The following PPP6R2 variants were observed in gnomAD, a reference collection of about 807,000 sequenced individuals.
The protein encoded by PPP6R2 is protein phosphatase 6 regulatory subunit 2.
A neutral mutation model predicts 100.2 loss-of-function variants in PPP6R2; 62 were observed. The observed-to-expected ratio is 0.62, with a 90% CI of 0.50 to 0.76. The LOEUF is 0.76. Among genes scored for constraint, PPP6R2 ranks in the 30% least tolerant of loss-of-function variants. The probability of loss-of-function intolerance (pLI) is 0.00; values close to 1 mark genes in which losing one functional copy is unlikely to be tolerated. For synonymous variants in PPP6R2, 525 were observed against 514.7 expected (o/e 1.02, Z -0.27); for missense variants, 1,142 against 1,276.3 (o/e 0.89, Z 1.60).
chr22:50,340,029 GGT>G (rs1368416641), upstream of PPP6R2, among the ~76,000 whole-genome samples: 10 of 131,682 alleles, frequency 7.6e-5, no homozygotes, highest in South Asian at 2.6e-4. Flanking sequence ...GTGTGTGTAG[GGT>G]GTGTGGTGTG....
intron 1 of PPP6R2, among the ~76,000 whole-genome samples, chr22:50,356,858 C>T (rs1391485979): frequency 2.0e-5 from 3 of 151,460 alleles, no homozygotes; most frequent in Non-Finnish European, 4.4e-5. Flanking sequence ...TGCTTGAACC[C>T]GGGAGGCAGA....
At chr22:50,333,564 C>T in the PPP6R2 span, among the ~76,000 whole-genome samples, 1 of 152,258 alleles carries the variant, frequency 6.6e-6, no homozygotes, top group Admixed American at 6.5e-5. Flanking sequence ...GATCTCCTGA[C>T]CTCGTGATCC....
rs558603658 is a variant in PPP6R2 at position 50,416,392 on chromosome 22, A to C, written c.618+235A>C. On this transcript the variant is annotated intron_variant, in intron 6 of 23. Coordinates refer to ENST00000612753, the MANE Select transcript of PPP6R2 (RefSeq NM_001242898.2). ...TGCCTGGGCTGGAGTGCAGTGGTGCAATCTCGGCTCACCACAACCTCCGCC... is the reference window on the plus strand; with the variant it reads ...TGCCTGGGCTGGAGTGCAGTGGTGCCATCTCGGCTCACCACAACCTCCGCC... Among the ~76,000 whole-genome samples, 8 of 150,730 alleles carry C rather than the reference A, an allele frequency of 5.3e-5. No individual in the cohort carries two copies. The South Asian group carries it at 1.7e-3, about 32-fold the overall frequency.
chr22:50,408,671 A>G (rs2147229125), intron 4 of PPP6R2, among the ~76,000 whole-genome samples: 1 of 152,304 alleles, frequency 6.6e-6, no homozygotes, highest in South Asian at 2.1e-4. Context: ...GACTAGATGC[A>G]TGTATCTCAT....
chr22:50,398,118 C>G (rs1041604702), intron 3 of PPP6R2, among the ~76,000 whole-genome samples: 1 of 151,492 alleles, frequency 6.6e-6, no homozygotes, highest in African/African-American at 2.4e-5. Context: ...GGATCACTTA[C>G]GCCCAGGAGT....
chr22:50,396,903 T>C lies in PPP6R2; in HGVS notation c.227+2768T>C, dbSNP rs576369737. Among the ~76,000 whole-genome samples, 5 of 152,316 alleles carry C rather than the reference T, an allele frequency of 3.3e-5. No homozygotes were observed. In the South Asian group the frequency reaches 1.0e-3, roughly 32 times the overall value. On this transcript the variant is annotated intron_variant, in intron 3 of 23. Coordinates refer to ENST00000612753, the MANE Select transcript of PPP6R2 (RefSeq NM_001242898.2). ...TGCAGCCAGAAGCTGCTGTGGCTTC[T>C]GGTCACACCTGCTGTGTCAGCATCA...
At chr22:50,417,137 A>G (rs1352810434) in intron 6 of PPP6R2, among the ~76,000 whole-genome samples, 3 of 152,138 alleles carry the variant, frequency 2.0e-5, no homozygotes, top group Admixed American at 6.5e-5. Flanking sequence ...CACAAAATAC[A>G]GTCATCTCAG....
intron 8 of PPP6R2, among the ~76,000 whole-genome samples, chr22:50,421,633 A>G (rs975957088): frequency 6.6e-6 from 1 of 152,196 alleles, no homozygotes; most frequent in Non-Finnish European, 1.5e-5. Context: ...CACAGGGGGT[A>G]GGCGCAGTGG....
chr22:50,339,594 TATG>T (rs2042346166), upstream of PPP6R2, among the ~76,000 whole-genome samples: 1 of 116,428 alleles, frequency 8.6e-6, no homozygotes, highest in Admixed American at 9.2e-5. Flanking sequence ...GTGTGTGTGG[TATG>T]GTGTGTGCGG....
intron 10 of PPP6R2, among the ~76,000 whole-genome samples, chr22:50,425,160 T>C (rs1272881964): frequency 6.6e-6 from 1 of 152,196 alleles, no homozygotes; most frequent in African/African-American, 2.4e-5. Flanking sequence ...TCCCCATTCA[T>C]TCTCCCTCTC....
chr22:50,407,428 A>G (rs2059130911), intron 4 of PPP6R2: 1 of 155,608 alleles, frequency 6.4e-6, no homozygotes, highest in African/African-American at 2.4e-5. Context: ...CAGTGCCCCA[A>G]AGTAGGCCAT....
upstream of PPP6R2, among the ~76,000 whole-genome samples, chr22:50,338,466 G>GTA (rs1555945975): frequency 5.0e-5 from 5 of 99,284 alleles, no homozygotes; most frequent in African/African-American, 2.8e-4. Context: ...TATGTAGTGT[G>GTA]TGTTATGTGT....
At chr22:50,410,285 A>G (rs9628188) in intron 4 of PPP6R2, among the ~76,000 whole-genome samples, 2 of 152,156 alleles carry the variant, frequency 1.3e-5, no homozygotes, top group Non-Finnish European at 2.9e-5. Flanking sequence ...TTAGTGTAGC[A>G]CAGCCACTTC....
Position 50,385,814 on chromosome 22 carries a change from CTTTTTT to C in PPP6R2, c.-16-8057_-16-8052del, listed in dbSNP as rs1192671164. Among the ~76,000 whole-genome samples, 19 of 75,394 alleles carry C rather than the reference CTTTTTT, an allele frequency of 2.5e-4. 1 individual carries two copies. The highest frequency in any genetic ancestry group is 8.8e-3 in the Middle Eastern group (1 of 114). The allele number at this position is 75,394 out of a possible 152,430, so 49.5% of individuals were successfully genotyped here. Reference sequence around the variant, plus strand: ...TACAGGCATGAGCCACCGCGCCCAGCTTTTTTTTTTTTTTTTTTTTTTTTTTTGAGA... The same window carrying C: ...TACAGGCATGAGCCACCGCGCCCAGCTTTTTTTTTTTTTTTTTTTTTGAGA... On this transcript the variant is annotated intron_variant, in intron 2 of 23. Coordinates refer to ENST00000612753, the MANE Select transcript of PPP6R2 (RefSeq NM_001242898.2).
rs369354161 is a variant in PPP6R2 at position 50,386,698 on chromosome 22, C to T, written c.-16-7195C>T. 1.8e-4 allele frequency among the ~76,000 whole-genome samples: 28 copies of T among 152,142 alleles called. No individual in the cohort carries two copies. In the East Asian group the frequency reaches 2.7e-3, roughly 15 times the overall value. On this transcript the variant is annotated intron_variant, in intron 2 of 23. Transcript: ENST00000612753. ...TTATGGTTTTTGGTTTCCCACCAGG[C>T]GGTAAAATCAGAACGAAGGAAGCTC...
At chr22:50,393,460 T>C (rs1288506560) in intron 2 of PPP6R2, 1 of 984,650 alleles carries the variant, frequency 1.0e-6, no homozygotes, top group African/African-American at 1.8e-5. Context: ...GAGAGACACC[T>C]GGGCGCATTC....
intron 22 of PPP6R2, among the ~76,000 whole-genome samples, chr22:50,442,271 C>A (rs114787465): frequency 6.6e-6 from 1 of 152,192 alleles, no homozygotes; most frequent in South Asian, 2.1e-4. Flanking sequence ...ACTGGGGCTC[C>A]GGGCATCTCC....
chr22:50,380,504 G>A (rs189973995), intron 2 of PPP6R2, among the ~76,000 whole-genome samples: 1 of 151,514 alleles, frequency 6.6e-6, no homozygotes, highest in African/African-American at 2.4e-5. Flanking sequence ...GGGATTACAG[G>A]TGCCCGCCAC....
At chr22:50,347,804 C>T (rs566187763) in intron 1 of PPP6R2, among the ~76,000 whole-genome samples, 1 of 152,162 alleles carries the variant, frequency 6.6e-6, no homozygotes, top group African/African-American at 2.4e-5. Flanking sequence ...TTCTCCTTGC[C>T]CCTGCAGTTG....
Sources: allele counts gnomAD v4.1 joint callset (sites outside exome capture counted in the v4.1 genomes callset), GRCh38; gene constraint gnomAD v4.1.1; transcripts MANE v1.5; gene names NCBI Gene and HGNC (gene_info 2026-07-23, HGNC 2026-07-21).